Variants in SBF2 observed in about 807,000 individuals in gnomAD.
SBF2 encodes myotubularin-related protein 13.
In SBF2, 112 loss-of-function variants were observed where a neutral mutation model predicts 225.2. The ratio of observed to expected loss-of-function variants is 0.50; its 90% CI spans 0.43 to 0.58. SBF2 has a LOEUF of 0.58. Among genes scored for constraint, SBF2 ranks in the 20% least tolerant of loss-of-function variants. The pLI is 0.00. For synonymous variants in SBF2, 763 were observed against 773.3 expected (o/e 0.99, Z 0.22); for missense variants, 1,996 against 2,206.2 (o/e 0.90, Z 1.91).
At chr11:9,960,075 C>T (rs936173410) in intron 16 of SBF2, 3 of 215,298 alleles carry the variant, frequency 1.4e-5, no homozygotes, top group Non-Finnish European at 1.9e-5. Context: ...TAGTGTACTG[C>T]AGCCTAACTC....
At chr11:10,150,066 A>G (rs1307502839) in intron 2 of SBF2, among the ~76,000 whole-genome samples, 2 of 152,146 alleles carry the variant, frequency 1.3e-5, no homozygotes, top group Non-Finnish European at 2.9e-5. Flanking sequence ...AGAAGAGAGA[A>G]AATGGTTATA....
chr11:10,026,686 C>G (rs1949068927), intron 6 of SBF2, among the ~76,000 whole-genome samples: 1 of 152,110 alleles, frequency 6.6e-6, no homozygotes, highest in Admixed American at 6.6e-5. Flanking sequence ...CTGTAGTAAG[C>G]TGTGTTCATG....
chr11:10,296,717 C>G (rs1964552874), upstream of SBF2, among the ~76,000 whole-genome samples: 1 of 152,086 alleles, frequency 6.6e-6, no homozygotes, highest in African/African-American at 2.4e-5. Flanking sequence ...ATTTGAGTAC[C>G]TGTTTTCAAT....
chr11:10,252,536 G>A (rs1248446661), intron 1 of SBF2, among the ~76,000 whole-genome samples: 1 of 152,224 alleles, frequency 6.6e-6, no homozygotes, highest in East Asian at 1.9e-4. Flanking sequence ...GGGCGCGGTG[G>A]CTCACGCCTG....
intron 17 of SBF2, among the ~76,000 whole-genome samples, chr11:9,868,768 G>A (rs1858462299): frequency 1.3e-5 from 2 of 152,144 alleles, no homozygotes; most frequent in South Asian, 4.1e-4. Flanking sequence ...GGTGACATCT[G>A]ACACATTTCT....
At chr11:10,260,763 C>T (rs1212806489) in intron 1 of SBF2, among the ~76,000 whole-genome samples, 4 of 151,136 alleles carry the variant, frequency 2.6e-5, no homozygotes, top group Non-Finnish European at 4.4e-5. Context: ...CACCCGTAGT[C>T]CCATCTACTC....
At chr11:10,210,840 C>T (rs1184822852) in intron 1 of SBF2, among the ~76,000 whole-genome samples, 1 of 151,780 alleles carries the variant, frequency 6.6e-6, no homozygotes, top group Non-Finnish European at 1.5e-5. Flanking sequence ...TGGTGAAACC[C>T]CGTCTCTGCT....
chr11:9,788,606 T>C (rs1852526708), intron 35 of SBF2, among the ~76,000 whole-genome samples: 2 of 150,976 alleles, frequency 1.3e-5, no homozygotes, highest in African/African-American at 4.9e-5. Flanking sequence ...TTTTTTTTTT[T>C]TTTACTGAGA....
intron 2 of SBF2, among the ~76,000 whole-genome samples, chr11:10,186,104 T>C (rs1006631269): frequency 1.3e-5 from 2 of 152,194 alleles, no homozygotes; most frequent in Non-Finnish European, 2.9e-5. Flanking sequence ...ATTAGAAATT[T>C]AGTATTAGAA....
intron 13 of SBF2, among the ~76,000 whole-genome samples, chr11:9,980,289 TA>T (rs1170874978): frequency 0.12 from 13,181 of 105,794 alleles, 746 homozygotes; most frequent in African/African-American, 0.14. Flanking sequence ...CTCTTGTAAT[TA>T]AAAAAAAAAA....
chr11:9,925,077 T>C (rs1863925550), intron 16 of SBF2, among the ~76,000 whole-genome samples: 1 of 152,152 alleles, frequency 6.6e-6, no homozygotes, highest in South Asian at 2.1e-4. Flanking sequence ...AGGATATTTT[T>C]AACTTACAAA....
intron 16 of SBF2, chr11:9,929,190 G>C (rs888079863): frequency 4.1e-5 from 8 of 193,424 alleles, no homozygotes; most frequent in Non-Finnish European, 6.3e-5. Flanking sequence ...CCATTCTATG[G>C]TCATTTGGCA....
At chr11:10,272,446 C>A (rs981461995) in intron 1 of SBF2, among the ~76,000 whole-genome samples, 1 of 152,176 alleles carries the variant, frequency 6.6e-6, no homozygotes, top group Non-Finnish European at 1.5e-5. Context: ...CAACCCTGGG[C>A]AAACACGGTG....
intron 24 of SBF2, among the ~76,000 whole-genome samples, chr11:9,844,677 C>G (rs1856412054): frequency 6.6e-6 from 1 of 152,224 alleles, no homozygotes; most frequent in South Asian, 2.1e-4. Flanking sequence ...AATATAGACT[C>G]TGGGTTAGAT....
intron 37 of SBF2, 60 bp downstream of exon 37, chr11:9,785,065 G>A (rs762223432): frequency 1.5e-5 from 22 of 1,485,882 alleles, no homozygotes; most frequent in Non-Finnish European, 2.0e-5. Context: ...GGGACCTGTG[G>A]TTTAGCCTCA....
intron 2 of SBF2, among the ~76,000 whole-genome samples, chr11:10,119,241 C>G (rs1469918387): frequency 6.6e-6 from 1 of 152,026 alleles, no homozygotes; most frequent in Non-Finnish European, 1.5e-5. Flanking sequence ...CAAAGCTTGT[C>G]TTAGTACTTC....
chr11:10,263,334 G>T (rs1961625896), intron 1 of SBF2, among the ~76,000 whole-genome samples: 2 of 151,444 alleles, frequency 1.3e-5, no homozygotes, highest in African/African-American at 4.8e-5. Context: ...AAAAATTCAA[G>T]TTTTTTTTTA....
intron 2 of SBF2, among the ~76,000 whole-genome samples, chr11:10,090,453 C>T (rs769762885): frequency 9.2e-5 from 14 of 152,082 alleles, no homozygotes; most frequent in East Asian, 1.9e-4. Context: ...ATAACTTTAC[C>T]GTGAAAAATA....
At chr11:10,090,449 T>C (rs2134911113) in intron 2 of SBF2, among the ~76,000 whole-genome samples, 1 of 152,212 alleles carries the variant, frequency 6.6e-6, no homozygotes, top group African/African-American at 2.4e-5. Context: ...AGATATAACT[T>C]TACCGTGAAA....
Sources: allele counts gnomAD v4.1 joint callset (sites outside exome capture counted in the v4.1 genomes callset), GRCh38; gene constraint gnomAD v4.1.1; transcripts MANE v1.5; gene names NCBI Gene and HGNC (gene_info 2026-07-23, HGNC 2026-07-21).